The following LIPI variants were observed in gnomAD, a reference collection of about 807,000 sequenced individuals.
The protein encoded by LIPI is lipase I.
Under a neutral mutation model 50.6 loss-of-function variants are expected in LIPI, and 59 were observed. The observed-to-expected ratio is 1.16, with a 90% CI of 0.94 to 1.45. The LOEUF (loss-of-function observed/expected upper bound fraction) is 1.45. Ranked by LOEUF, LIPI falls within the 40% of genes most tolerant of loss-of-function variation. The pLI, the probability that LIPI is intolerant of heterozygous loss-of-function variation, is 0.00. For missense variants in LIPI, 586 were observed against 536.3 expected (o/e 1.09, Z -0.92); for synonymous variants, 203 against 178.2 (o/e 1.14, Z -1.11).
chr21:14,163,317 T>C (rs2018558780), intron 7 of LIPI, 102 bp downstream of exon 7: 2 of 655,918 alleles, frequency 3.0e-6, no homozygotes, highest in Non-Finnish European at 5.5e-6. Context: ...TGAAAGAACA[T>C]GATGGAATTT....
intron 9 of LIPI, among the ~76,000 whole-genome samples, chr21:14,131,716 G>A (rs2017302866): frequency 6.6e-6 from 1 of 152,070 alleles, no homozygotes; most frequent in Non-Finnish European, 1.5e-5. Flanking sequence ...ATCCCAACCA[G>A]AAAGAATTCC....
intron 4 of LIPI, among the ~76,000 whole-genome samples, chr21:14,170,390 A>G (rs531147374): frequency 6.6e-6 from 1 of 152,218 alleles, no homozygotes; most frequent in East Asian, 1.9e-4. Flanking sequence ...CTGATACCAA[A>G]GCCTGGCAGA....
intron 9 of LIPI, chr21:14,143,683 A>G (rs1568847061): frequency 6.6e-6 from 1 of 152,150 alleles, no homozygotes; most frequent in Non-Finnish European, 1.5e-5. Context: ...TAGTGTTTGG[A>G]CAACTCACAC....
chr21:14,173,093 G>A (rs561118522), intron 4 of LIPI, among the ~76,000 whole-genome samples: 6 of 152,266 alleles, frequency 3.9e-5, no homozygotes, highest in African/African-American at 7.2e-5. Context: ...ACTTGAAGAA[G>A]TTGGAGTGGA....
intron 9 of LIPI, among the ~76,000 whole-genome samples, chr21:14,136,884 C>T (rs543823487): frequency 3.3e-5 from 5 of 152,284 alleles, no homozygotes; most frequent in African/African-American, 9.6e-5. Context: ...CAGAGAGACT[C>T]TATATGTATG....
chr21:14,191,866 T>C (rs949249176), intron 1 of LIPI, among the ~76,000 whole-genome samples: 15 of 152,282 alleles, frequency 9.9e-5, no homozygotes, highest in African/African-American at 3.4e-4. Flanking sequence ...GCATCCATAG[T>C]CTGGCCTGTT....
At chr21:14,111,796 A>T (rs1416050781) in intron 9 of LIPI, among the ~76,000 whole-genome samples, 1 of 152,006 alleles carries the variant, frequency 6.6e-6, no homozygotes, top group Non-Finnish European at 1.5e-5. Context: ...GTCTAATTTT[A>T]TTCTTTGGCA....
At chr21:14,192,927 T>C (rs1373022833) in intron 1 of LIPI, among the ~76,000 whole-genome samples, 1 of 152,118 alleles carries the variant, frequency 6.6e-6, no homozygotes, top group African/African-American at 2.4e-5. Flanking sequence ...AATACAAAAA[T>C]ATAAGTTTCT....
At chr21:14,143,718 TA>T (rs1381294525) in intron 9 of LIPI, 1 of 152,148 alleles carries the variant, frequency 6.6e-6, no homozygotes, top group Admixed American at 6.6e-5. Context: ...ATGACCAACT[TA>T]TAAAAGAGAT....
At chr21:14,159,891 C>T (rs568115577) in intron 7 of LIPI, among the ~76,000 whole-genome samples, 2 of 151,334 alleles carry the variant, frequency 1.3e-5, no homozygotes, top group East Asian at 3.9e-4. Flanking sequence ...TACAATTACT[C>T]CCCAAAATGA....
chr21:14,191,445 A>G (rs1218014322), intron 1 of LIPI, among the ~76,000 whole-genome samples: 1 of 151,978 alleles, frequency 6.6e-6, no homozygotes, highest in Non-Finnish European at 1.5e-5. Flanking sequence ...ATGAAATTAC[A>G]CTAGAGAAAA....
chr21:14,141,748 A>G (rs189812043), intron 9 of LIPI, among the ~76,000 whole-genome samples: 2 of 152,294 alleles, frequency 1.3e-5, no homozygotes, highest in African/African-American at 2.4e-5. Context: ...TTTACCGTCC[A>G]TATGAATGGA....
rs899841534 is a variant in LIPI, at chr21:14,147,921, T to TA, written c.1119-3123dup. On this transcript the variant is annotated intron_variant, in intron 8 of 9. Coordinates refer to ENST00000681601, the MANE Select transcript of LIPI (RefSeq NM_001302998.2). ...CTTTCATATGAATTATCACAGTAAC[T>TA]ACTTCTGTAGCCTCCTATCTCACGT... is the stretch of plus-strand genomic sequence containing the variant. Among the ~76,000 whole-genome samples the TA allele has an allele frequency of 4.6e-5, 7 of 152,294 alleles. No homozygotes were observed. The East Asian group carries it at 1.4e-3, about 29-fold the overall frequency.
chr21:14,163,469 G>T lies in LIPI; in HGVS notation c.956C>A (p.Pro319His). The T allele has an allele frequency of 6.3e-7, 1 of 1,591,148 alleles. No homozygotes were observed. The highest frequency in any genetic ancestry group is 8.6e-7 in the Non-Finnish European group (1 of 1,159,494). Residue 319 changes from proline to histidine, a missense_variant, in exon 7 of 10, where the codon CCT becomes CAT. Pro to His is a moderately conservative substitution (Grantham distance 77). Transcript: ENST00000681601. The part of the protein sequence containing the change: ...GVLKERMEGR[P>H]LRTTVFLDTS... ...ATCCAAAAACACAGTGGTCCTAAGA[G>T]GTCTTCCTTCCATCCTTTCTTTTAA... is the stretch of plus-strand genomic sequence containing the variant.
intron 9 of LIPI, among the ~76,000 whole-genome samples, chr21:14,126,233 TA>T (rs932456322): frequency 8.5e-5 from 13 of 152,214 alleles, no homozygotes; most frequent in African/African-American, 3.1e-4. Flanking sequence ...TATGTTTACT[TA>T]AACACCTACA....
At chr21:14,170,342 G>A (rs1309419053) in intron 4 of LIPI, among the ~76,000 whole-genome samples, 25 of 152,204 alleles carry the variant, frequency 1.6e-4, no homozygotes, top group Admixed American at 1.6e-3. Flanking sequence ...GAAAAAGAGG[G>A]AATCCTCCCT....
At chr21:14,157,884 T>A (rs987837367) in intron 7 of LIPI, among the ~76,000 whole-genome samples, 3 of 151,856 alleles carry the variant, frequency 2.0e-5, no homozygotes, top group Non-Finnish European at 4.4e-5. Context: ...CTATAACTGG[T>A]ATCGTATCCC....
At position 14,183,962 on chromosome 21, in the gene LIPI, A is replaced by C. The variant is rs865811887; in HGVS notation, c.541+1999T>G. Among the ~76,000 whole-genome samples, 841 of 152,320 alleles carry C rather than the reference A, an allele frequency of 5.5e-3. 4 individuals carry two copies. The highest frequency in any genetic ancestry group is 0.019 in the African/African-American group (792 of 41,566). ...AACTAGAAATACCATTTGACCCAGC[A>C]ATCCCATTACTGGGTATATACGCAA... On this transcript the variant is annotated intron_variant, in intron 3 of 9. Coordinates refer to ENST00000681601, the MANE Select transcript of LIPI (RefSeq NM_001302998.2).
chr21:14,167,243 A>C (rs2018721689), intron 4 of LIPI, among the ~76,000 whole-genome samples: 1 of 152,222 alleles, frequency 6.6e-6, no homozygotes, highest in African/African-American at 2.4e-5. Flanking sequence ...CCACAGCTCA[A>C]GGAGGCCTGC....
Sources: allele counts gnomAD v4.1 joint callset (sites outside exome capture counted in the v4.1 genomes callset), GRCh38; gene constraint gnomAD v4.1.1; transcripts MANE v1.5; gene names NCBI Gene and HGNC (gene_info 2026-07-23, HGNC 2026-07-21).